Variants in MTOR observed in about 807,000 individuals in gnomAD.
MTOR encodes the protein mechanistic target of rapamycin kinase.
Under a neutral mutation model 319.8 loss-of-function variants are expected in MTOR, and 70 were observed. The ratio of observed to expected loss-of-function variants is 0.22; its 90% CI spans 0.18 to 0.27. MTOR has a LOEUF of 0.27. Ranked by LOEUF, MTOR falls within the 10% of genes least tolerant of loss-of-function variation. The pLI, the probability that MTOR is intolerant of heterozygous loss-of-function variation, is 1.00. For synonymous variants in MTOR, 1,183 were observed against 1,211.4 expected, an observed-to-expected ratio of 0.98 and a Z score of 0.49; for missense variants, 1,890 against 3,274.4, an observed-to-expected ratio of 0.58 and a Z score of 10.32.
intron 30 of MTOR, among the ~76,000 whole-genome samples, chr1:11,155,599 T>C (rs1243703323): frequency 6.6e-6 from 1 of 152,158 alleles, no homozygotes; most frequent in East Asian, 1.9e-4. Flanking sequence ...GAGAAGAATC[T>C]GAACAAAAAG....
In MTOR at chr1:11,122,265, A is replaced by G. The variant is rs945173556; in HGVS notation, c.6663-139T>C. ...GTTGCCCAGGCTGGAGTGCAGTGGC[A>G]CAATCTTGGCTCACTGCAACCTCTG... On this transcript the variant is annotated intron_variant, in intron 47 of 57. Transcript: ENST00000361445. 1.1e-5 allele frequency: 11 copies of G among 1,042,162 alleles called. No homozygotes were observed. The African/African-American group carries it at 1.4e-4, about 14-fold the overall frequency. 64.6% of individuals were successfully genotyped at this position (1,042,162 alleles called of 1,614,324 possible). A position where few individuals can be genotyped will look rare whatever the true frequency, so the allele number is the denominator to read the frequency against.
intron 18 of MTOR, among the ~76,000 whole-genome samples, chr1:11,230,650 A>G (rs940337848): frequency 6.6e-6 from 1 of 152,200 alleles, no homozygotes; most frequent in Admixed American, 6.5e-5. Flanking sequence ...TGGGGTGATA[A>G]TGTGTATCTC....
At chr1:11,209,560 G>C in intron 24 of MTOR, 102 bp from the exon 25 acceptor site, 1 of 1,385,668 alleles carries the variant, frequency 7.2e-7, no homozygotes, top group South Asian at 1.3e-5. Flanking sequence ...GTAGAGCCAG[G>C]ATTTCAGTAA....
At chr1:11,258,238 G>A (rs1030623900) in intron 3 of MTOR, among the ~76,000 whole-genome samples, 2 of 152,226 alleles carry the variant, frequency 1.3e-5, no homozygotes, top group African/African-American at 4.8e-5. Flanking sequence ...GGAGTGGAAA[G>A]AAAGCTGGCT....
At chr1:11,152,990 G>C (rs1400207986) in intron 30 of MTOR, among the ~76,000 whole-genome samples, 2 of 152,146 alleles carry the variant, frequency 1.3e-5, no homozygotes, top group African/African-American at 4.8e-5. Context: ...GAGGTATTTG[G>C]GACTGAGAAC....
At chr1:11,245,192 C>T (rs1648656084) in intron 8 of MTOR, among the ~76,000 whole-genome samples, 1 of 152,156 alleles carries the variant, frequency 6.6e-6, no homozygotes, top group South Asian at 2.1e-4. Context: ...GTAGGCGATT[C>T]TCATACAATC....
chr1:11,245,625 G>A (rs766267558), intron 8 of MTOR, among the ~76,000 whole-genome samples: 46 of 152,304 alleles, frequency 3.0e-4, no homozygotes, highest in Non-Finnish European at 3.8e-4. Flanking sequence ...CTGGCAAGGC[G>A]CCACAGCTCA....
intron 14 of MTOR, among the ~76,000 whole-genome samples, chr1:11,233,828 A>C (rs1202605626): frequency 6.6e-6 from 1 of 152,198 alleles, no homozygotes; most frequent in East Asian, 1.9e-4. Flanking sequence ...TCAGATTTTC[A>C]AGCTCATTTT....
intron 8 of MTOR, among the ~76,000 whole-genome samples, chr1:11,246,554 C>G (rs1648853681): frequency 1.3e-5 from 2 of 152,152 alleles, no homozygotes; most frequent in Non-Finnish European, 2.9e-5. Context: ...CTACTTCTTT[C>G]GAACAGCGTG....
At chr1:11,185,249 CT>C (rs111731836) in intron 28 of MTOR, among the ~76,000 whole-genome samples, 4,581 of 139,242 alleles carry the variant, frequency 0.033, 169 homozygotes, top group African/African-American at 0.1. Flanking sequence ...ATCAGAGAGA[CT>C]TTTTTTTTTT....
chr1:11,253,801 A>T, intron 6 of MTOR, 38 bp downstream of exon 6: 1 of 1,612,594 alleles, frequency 6.2e-7, no homozygotes, highest in Non-Finnish European at 8.5e-7. Context: ...AGAATGGTAC[A>T]CGGGGAGCCT....
chr1:11,220,065 G>GAAAGA (rs1646612766), intron 19 of MTOR, among the ~76,000 whole-genome samples: 1 of 107,840 alleles, frequency 9.3e-6, no homozygotes, highest in Non-Finnish European at 1.8e-5. Context: ...AGAAAAGAAA[G>GAAAGA]AAAAAAAAAA....
At chr1:11,141,228 G>A (rs1411509797) in intron 34 of MTOR, among the ~76,000 whole-genome samples, 2 of 151,960 alleles carry the variant, frequency 1.3e-5, no homozygotes, top group African/African-American at 4.8e-5. Context: ...CGATCCTCCC[G>A]CCTCAACCTC....
At chr1:11,142,745 C>T (rs529617426) in intron 34 of MTOR, among the ~76,000 whole-genome samples, 30 of 152,308 alleles carry the variant, frequency 2.0e-4, no homozygotes, top group South Asian at 4.1e-4. Flanking sequence ...TGATCTCAGG[C>T]TTTTAGCTAT....
chr1:11,200,856 A>T (rs897267255), intron 26 of MTOR, among the ~76,000 whole-genome samples: 9 of 152,004 alleles, frequency 5.9e-5, no homozygotes, highest in Non-Finnish European at 1.3e-4. Context: ...TCTACTAAAA[A>T]TACAAAAAAT....
intron 36 of MTOR, among the ~76,000 whole-genome samples, chr1:11,135,314 T>C (rs1052170288): frequency 6.6e-6 from 1 of 151,890 alleles, no homozygotes; most frequent in Non-Finnish European, 1.5e-5. Context: ...AAAATAATAA[T>C]AAAGGGCTTC....
intron 46 of MTOR, among the ~76,000 whole-genome samples, chr1:11,125,981 C>T (rs1380844090): frequency 1.4e-5 from 2 of 139,066 alleles, no homozygotes; most frequent in Non-Finnish European, 3.0e-5. Flanking sequence ...GTGGAGGTTG[C>T]AGTGAGCCAA....
chr1:11,125,419 A>T (rs981274430), intron 46 of MTOR, among the ~76,000 whole-genome samples: 5 of 152,136 alleles, frequency 3.3e-5, no homozygotes, highest in Non-Finnish European at 7.3e-5. Context: ...CATTTAAGAA[A>T]CATTGAGCAT....
intron 19 of MTOR, among the ~76,000 whole-genome samples, chr1:11,218,836 C>T (rs757539786): frequency 7.2e-5 from 11 of 152,132 alleles, no homozygotes; most frequent in Non-Finnish European, 1.5e-4. Flanking sequence ...ATATGATGCA[C>T]TAGATCTCCT....
Sources: allele counts gnomAD v4.1 joint callset (sites outside exome capture counted in the v4.1 genomes callset), GRCh38; gene constraint gnomAD v4.1.1; transcripts MANE v1.5; gene names NCBI Gene and HGNC (gene_info 2026-07-23, HGNC 2026-07-21).